IQCM: variants seen among roughly 807,000 people sequenced by gnomAD.
IQCM encodes IQ domain-containing protein M.
IQCM carries 45 observed loss-of-function variants against 57.6 expected under a neutral mutation model. The observed-to-expected ratio is 0.78, with a 90% CI of 0.62 to 1.00. The LOEUF is 1.00. Ranked by LOEUF, IQCM falls within the 50% of genes least tolerant of loss-of-function variation. IQCM has a pLI of 0.00. For synonymous variants in IQCM, 148 were observed against 158.9 expected, an observed-to-expected ratio of 0.93 and a Z score of 0.51; for missense variants, 468 against 511.6, an observed-to-expected ratio of 0.91 and a Z score of 0.82.
intron 2 of IQCM, among the ~76,000 whole-genome samples, chr4:149,746,299 T>C (rs368283346): frequency 6.6e-6 from 1 of 152,194 alleles, no homozygotes; most frequent in Non-Finnish European, 1.5e-5. Flanking sequence ...TTATTTCTCC[T>C]ATATTTTTGT....
At chr4:149,593,370 G>A (rs931110996) in intron 8 of IQCM, among the ~76,000 whole-genome samples, 1 of 152,028 alleles carries the variant, frequency 6.6e-6, no homozygotes, top group Non-Finnish European at 1.5e-5. Context: ...AGATGATGGG[G>A]TTTTCTAAAT....
intron 9 of IQCM, among the ~76,000 whole-genome samples, chr4:149,566,544 A>G (rs1311272238): frequency 1.3e-5 from 2 of 152,114 alleles, no homozygotes; most frequent in African/African-American, 2.4e-5. Flanking sequence ...GAAAAGTGAC[A>G]AAGAAAGAGA....
intron 12 of IQCM, among the ~76,000 whole-genome samples, chr4:149,529,560 C>T (rs2149847737): frequency 6.6e-6 from 1 of 152,264 alleles, no homozygotes; most frequent in East Asian, 1.9e-4. Flanking sequence ...GGGATTTTGC[C>T]AAATCTTTGA....
chr4:149,515,379 T>A lies in IQCM; in HGVS notation c.1228+33076A>T, dbSNP rs150870973. Among the ~76,000 whole-genome samples, 796 of 152,260 alleles carry A rather than the reference T, an allele frequency of 5.2e-3. 9 individuals carry two copies. The highest frequency in any genetic ancestry group is 0.018 in the African/African-American group (756 of 41,552). The stretch of plus-strand genomic sequence containing the variant: ...CATCATCAAATGGAAGTTGTATATA[T>A]GTGACTGGGCTTGAGCAGGTCCTGA... On this transcript the variant is annotated intron_variant, in intron 12 of 13. Transcript: ENST00000636793.
chr4:149,364,365 G>A (rs2110936595), intron 13 of IQCM, among the ~76,000 whole-genome samples: 1 of 152,300 alleles, frequency 6.6e-6, no homozygotes, highest in Non-Finnish European at 1.5e-5. Flanking sequence ...GGTATAAGGA[G>A]AGCTACTGAT....
intron 4 of IQCM, among the ~76,000 whole-genome samples, 198 bp from the exon 5 acceptor site, chr4:149,733,706 T>C (rs1766677140): frequency 6.6e-6 from 1 of 152,146 alleles, no homozygotes; most frequent in South Asian, 2.1e-4. Flanking sequence ...TGTTATTCTA[T>C]GTCACTCTCT....
chr4:149,360,399 A>G (rs1287876338), intron 13 of IQCM, among the ~76,000 whole-genome samples: 1 of 152,202 alleles, frequency 6.6e-6, no homozygotes, highest in Non-Finnish European at 1.5e-5. Flanking sequence ...ATCATTTTTT[A>G]TAAGAAACAT....
chr4:149,711,053 G>A (rs1764524745), intron 5 of IQCM: 1 of 152,114 alleles, frequency 6.6e-6, no homozygotes, highest in Non-Finnish European at 1.5e-5. Flanking sequence ...ACTGGCAATA[G>A]GATAATTTAT....
chr4:149,677,001 T>C (rs976819226), intron 7 of IQCM, among the ~76,000 whole-genome samples: 2 of 152,022 alleles, frequency 1.3e-5, no homozygotes, highest in Non-Finnish European at 2.9e-5. Context: ...AAAAACTTCA[T>C]GTAGGCAGTA....
At chr4:149,475,861 A>T (rs1740128877) in intron 12 of IQCM, among the ~76,000 whole-genome samples, 1 of 152,212 alleles carries the variant, frequency 6.6e-6, no homozygotes, top group Non-Finnish European at 1.5e-5. Flanking sequence ...GGTGACCTTG[A>T]CATGAGCAGT....
rs1014042752 is a variant in IQCM, at chr4:149,548,571, G to A, written c.1112C>T (p.Ala371Val). 8.2e-7 allele frequency: 1 copy of A among 1,225,092 alleles called. No individual in the cohort carries two copies. Among genetic ancestry groups the A allele is most frequent in the African/African-American group, 1.6e-5 (1 of 64,236 alleles). The allele number at this position is 1,225,092 out of a possible 1,614,324, so 75.9% of individuals were successfully genotyped here. Residue 371 changes from alanine (A) to valine (V), a missense_variant, in exon 12 of 14, where the codon GCT (alanine) becomes GTT (valine). Coordinates refer to ENST00000636793, the MANE Select transcript of IQCM (RefSeq NM_001363507.2). Reference sequence around the variant, plus strand: ...AATTTTTGGCCAATCTTCCCTCTTAGCAAACATTATTTCATAGACTAAAAG... The same window carrying A: ...AATTTTTGGCCAATCTTCCCTCTTAACAAACATTATTTCATAGACTAAAAG... ...DRKKFYEIMF[A>V]KREDWPKIER...
intron 12 of IQCM, among the ~76,000 whole-genome samples, chr4:149,477,761 G>C (rs1740351592): frequency 6.6e-6 from 1 of 152,132 alleles, no homozygotes; most frequent in African/African-American, 2.4e-5. Flanking sequence ...GTAGGTGTTA[G>C]AATTGCCCAG....
At chr4:149,645,528 C>T (rs1758556877) in intron 7 of IQCM, among the ~76,000 whole-genome samples, 4 of 152,148 alleles carry the variant, frequency 2.6e-5, no homozygotes, top group Admixed American at 2.0e-4. Context: ...AATCCAGGAG[C>T]CCCTCTGATG....
chr4:149,702,397 A>G (rs988125702), intron 5 of IQCM, among the ~76,000 whole-genome samples: 1 of 151,758 alleles, frequency 6.6e-6, no homozygotes, highest in Non-Finnish European at 1.5e-5. Flanking sequence ...ATTCTGCCCC[A>G]CAGTCAACCA....
At chr4:149,360,367 G>A (rs1203788844) in intron 13 of IQCM, among the ~76,000 whole-genome samples, 2 of 152,186 alleles carry the variant, frequency 1.3e-5, no homozygotes, top group Non-Finnish European at 2.9e-5. Context: ...GAGGACAGGT[G>A]TATGTCATAT....
intron 12 of IQCM, among the ~76,000 whole-genome samples, chr4:149,462,259 G>T (rs957121822): frequency 1.3e-5 from 2 of 152,146 alleles, no homozygotes; most frequent in African/African-American, 2.4e-5. Flanking sequence ...TCAGTGGAAA[G>T]CTTCTCCAGG....
intron 13 of IQCM, among the ~76,000 whole-genome samples, chr4:149,372,743 A>G (rs1269447404): frequency 6.6e-6 from 1 of 152,068 alleles, no homozygotes; most frequent in Non-Finnish European, 1.5e-5. Context: ...TCAATTTGTA[A>G]TCATACTCTC....
At position 149,552,664 on chromosome 4, in the gene IQCM, C is replaced by G. The variant is rs1000742293; in HGVS notation, c.1093+479G>C. Among the ~76,000 whole-genome samples, 68 of 152,158 alleles carry G rather than the reference C, an allele frequency of 4.5e-4. 1 individual carries two copies. The highest frequency in any genetic ancestry group is 2.9e-5 in the Non-Finnish European group (2 of 68,022). ...ATGAACACAGTTTCTGTGCAACTCT[C>G]AAGCAGGATTCCCTACCTTCCCACT... is the stretch of plus-strand genomic sequence containing the variant. On this transcript the variant is annotated intron_variant, in intron 11 of 13. Coordinates refer to ENST00000636793, the MANE Select transcript of IQCM (RefSeq NM_001363507.2).
chr4:149,788,021 A>G (rs1233699722), intron 2 of IQCM, among the ~76,000 whole-genome samples: 1 of 152,234 alleles, frequency 6.6e-6, no homozygotes, highest in Non-Finnish European at 1.5e-5. Context: ...AAAGGACGTG[A>G]ATAGACATTT....
Sources: allele counts gnomAD v4.1 joint callset (sites outside exome capture counted in the v4.1 genomes callset), GRCh38; gene constraint gnomAD v4.1.1; transcripts MANE v1.5; gene names NCBI Gene and HGNC (gene_info 2026-07-23, HGNC 2026-07-21).